Variants in APP observed in about 807,000 individuals in gnomAD.
APP encodes amyloid beta precursor protein, also known as amyloid-beta precursor protein.
In APP, 31 loss-of-function variants were observed where a neutral mutation model predicts 101.4. The ratio of observed to expected loss-of-function variants is 0.31; its 90% CI spans 0.23 to 0.41. The LOEUF is 0.41. APP is among the 10% of genes least tolerant of loss of function. APP has a pLI of 1.00. For missense variants in APP, 839 were observed against 1,003.7 expected (o/e 0.84, Z 2.22); for synonymous variants, 366 against 364.4 (o/e 1.00, Z -0.05).
chr21:26,018,448 A>G (rs551908900), intron 6 of APP, among the ~76,000 whole-genome samples: 1 of 152,230 alleles, frequency 6.6e-6, no homozygotes, highest in Admixed American at 6.5e-5. Flanking sequence ...ATTGCTCTCA[A>G]TTAGGGAAGA....
chr21:26,016,179 C>T (rs564692175), intron 6 of APP, among the ~76,000 whole-genome samples: 5 of 152,050 alleles, frequency 3.3e-5, no homozygotes, highest in East Asian at 1.9e-4. Flanking sequence ...TATGGGCACG[C>T]GCCACCATGC....
intron 6 of APP, among the ~76,000 whole-genome samples, chr21:26,006,533 C>T (rs1176204603): frequency 6.6e-6 from 1 of 152,142 alleles, no homozygotes; most frequent in Admixed American, 6.5e-5. Context: ...CAGTATAACA[C>T]AAAATAATAC....
At chr21:26,158,508 G>A (rs1415178865) in intron 1 of APP, among the ~76,000 whole-genome samples, 4 of 152,062 alleles carry the variant, frequency 2.6e-5, no homozygotes, top group African/African-American at 4.8e-5. Context: ...CCCTTGCATC[G>A]AGGTGTCACT....
intron 13 of APP, among the ~76,000 whole-genome samples, chr21:25,929,344 A>G (rs1443015019): frequency 1.3e-5 from 2 of 152,192 alleles, no homozygotes; most frequent in African/African-American, 4.8e-5. Context: ...AAAAGGAATG[A>G]GAATTCATTT....
intron 15 of APP, among the ~76,000 whole-genome samples, chr21:25,902,882 T>C (rs1302284519): frequency 6.6e-6 from 1 of 152,222 alleles, no homozygotes; most frequent in African/African-American, 2.4e-5. Context: ...AGAAAGAATT[T>C]AGTGGATTGA....
At position 25,975,185 on chromosome 21, in the gene APP, T is replaced by C. The variant is rs1275544322; in HGVS notation, c.1343A>G (p.Asn448Ser). Residue 448 changes from asparagine (N) to serine (S), a missense_variant, in exon 11 of 18, where the codon AAC becomes AGC. Transcript: ENST00000346798. ...TGTCTCCACCAGCTGCTGTCTCTCG[T>C]TGGCTGCTTCCTGTTCCAAAGATTC... ...KVESLEQEAA[N>S]ERQQLVETHM... 7 of 1,614,054 alleles carry C rather than the reference T, an allele frequency of 4.3e-6. No homozygotes were observed. Among genetic ancestry groups the C allele is most frequent in the Non-Finnish European group, 5.9e-6 (7 of 1,180,038 alleles).
At chr21:26,060,331 C>T (rs1376818563) in intron 3 of APP, among the ~76,000 whole-genome samples, 1 of 152,160 alleles carries the variant, frequency 6.6e-6, no homozygotes, top group Non-Finnish European at 1.5e-5. Flanking sequence ...GGTGGAGTCC[C>T]TACGACTGGA....
intron 17 of APP, among the ~76,000 whole-genome samples, chr21:25,891,416 A>G (rs2037687407): frequency 6.6e-6 from 1 of 152,184 alleles, no homozygotes; most frequent in Non-Finnish European, 1.5e-5. Context: ...GTTTGAAAAA[A>G]AAAAGTCTAA....
chr21:25,968,680 C>G (rs1031916926), intron 11 of APP, among the ~76,000 whole-genome samples: 3 of 152,124 alleles, frequency 2.0e-5, no homozygotes, highest in Non-Finnish European at 4.4e-5. Context: ...TCTCATAACA[C>G]TTCCACGTTT....
intron 1 of APP, among the ~76,000 whole-genome samples, chr21:26,143,485 A>G (rs1434896882): frequency 1.3e-5 from 2 of 152,248 alleles, no homozygotes; most frequent in Admixed American, 6.5e-5. Context: ...ATGTTTTGAT[A>G]TATGTATACA....
chr21:26,136,907 T>C (rs1285843559), intron 1 of APP, among the ~76,000 whole-genome samples: 1 of 152,188 alleles, frequency 6.6e-6, no homozygotes, highest in Non-Finnish European at 1.5e-5. Flanking sequence ...CCATTCGTCT[T>C]CCTTTTTGAG....
At chr21:25,982,019 A>G (rs1313982583) in intron 9 of APP, among the ~76,000 whole-genome samples, 1 of 152,190 alleles carries the variant, frequency 6.6e-6, no homozygotes, top group Non-Finnish European at 1.5e-5. Flanking sequence ...ATTTTGATGG[A>G]TTTTAATTTA....
At chr21:25,912,347 G>A (rs781265955) in intron 13 of APP, among the ~76,000 whole-genome samples, 8 of 152,178 alleles carry the variant, frequency 5.3e-5, no homozygotes, top group Non-Finnish European at 8.8e-5. Context: ...GCCAGGCTTT[G>A]GTGTGGCGGC....
chr21:25,904,827 C>A (rs1488235112), intron 15 of APP, among the ~76,000 whole-genome samples, 197 bp downstream of exon 15: 1 of 151,538 alleles, frequency 6.6e-6, no homozygotes, highest in Non-Finnish European at 1.5e-5. Context: ...CAAAAAAAAT[C>A]ATTTCACTCG....
At chr21:25,949,883 T>C (rs1263763213) in intron 13 of APP, among the ~76,000 whole-genome samples, 1 of 152,200 alleles carries the variant, frequency 6.6e-6, no homozygotes, top group Non-Finnish European at 1.5e-5. Context: ...CCACCCCACT[T>C]TCATCACTTT....
chr21:26,154,211 A>G (rs937264503), intron 1 of APP, among the ~76,000 whole-genome samples: 2 of 152,226 alleles, frequency 1.3e-5, no homozygotes, highest in African/African-American at 4.8e-5. Context: ...TGAAATCTTA[A>G]TACCTGTGTT....
chr21:26,126,788 T>C (rs938986755), intron 1 of APP, among the ~76,000 whole-genome samples: 4 of 152,138 alleles, frequency 2.6e-5, no homozygotes, highest in Non-Finnish European at 4.4e-5. Context: ...AGCCTTTACT[T>C]AGGGGGAAAG....
intron 6 of APP, among the ~76,000 whole-genome samples, chr21:26,008,807 T>C (rs1433189347): frequency 6.6e-6 from 1 of 152,154 alleles, no homozygotes; most frequent in African/African-American, 2.4e-5. Flanking sequence ...GTCTCAGGAT[T>C]GCCTCATACT....
chr21:26,157,433 A>G (rs1051109356), intron 1 of APP, among the ~76,000 whole-genome samples: 1 of 152,208 alleles, frequency 6.6e-6, no homozygotes, highest in African/African-American at 2.4e-5. Flanking sequence ...CCAACAGCAG[A>G]AAGTAAAACC....
Sources: allele counts gnomAD v4.1 joint callset (sites outside exome capture counted in the v4.1 genomes callset), GRCh38; gene constraint gnomAD v4.1.1; transcripts MANE v1.5; gene names NCBI Gene and HGNC (gene_info 2026-07-23, HGNC 2026-07-21).